CNTN6: variants seen among roughly 807,000 people sequenced by gnomAD.
CNTN6 encodes contactin-6.
In CNTN6, 137 loss-of-function variants were observed where a neutral mutation model predicts 122.8. That is an observed-to-expected ratio of 1.12 (90% confidence interval 0.97 to 1.29). The LOEUF is 1.29. CNTN6 is among the 50% of genes most tolerant of loss of function. CNTN6 has a pLI of 0.00. For synonymous variants in CNTN6, 570 were observed against 426.0 expected (o/e 1.34, Z -4.16); for missense variants, 1,634 against 1,223.4 (o/e 1.34, Z -5.01).
intron 11 of CNTN6, among the ~76,000 whole-genome samples, chr3:1,330,418 G>A (rs2126001034): frequency 6.6e-6 from 1 of 151,856 alleles, no homozygotes; most frequent in African/African-American, 2.4e-5. Context: ...TACCATAATG[G>A]ATACAGTTGA....
intron 20 of CNTN6, among the ~76,000 whole-genome samples, chr3:1,390,188 G>A (rs7427581): frequency 0.18 from 27,187 of 150,222 alleles, 2,581 homozygotes; most frequent in African/African-American, 0.2. Flanking sequence ...AATGTAAAAG[G>A]ACAGAGATTA....
At chr3:1,166,932 C>A (rs2093263633) in intron 2 of CNTN6, among the ~76,000 whole-genome samples, 1 of 151,774 alleles carries the variant, frequency 6.6e-6, no homozygotes, top group African/African-American at 2.4e-5. Flanking sequence ...ATACCTAATG[C>A]TTGTGGGGCT....
intron 7 of CNTN6, among the ~76,000 whole-genome samples, chr3:1,309,858 T>C (rs1559782769): frequency 1.3e-5 from 2 of 152,174 alleles, no homozygotes; most frequent in Non-Finnish European, 2.9e-5. Context: ...CTATTTTATA[T>C]AAACCCTAGA....
In CNTN6 at chr3:1,235,633, A is replaced by G. The variant is rs138448032; in HGVS notation, c.358+7640A>G. On this transcript the variant is annotated intron_variant, in intron 4 of 22. Transcript: ENST00000446702. ...CAGCTCCTGCTGGGAGGGATAGAGC[A>G]GCATGTGGAGACTCACATCATACTT... is the stretch of plus-strand genomic sequence containing the variant. Among the ~76,000 whole-genome samples, 320 of 152,294 alleles carry G rather than the reference A, an allele frequency of 2.1e-3. 1 individual carries two copies. The highest frequency in any genetic ancestry group is 7.0e-3 in the African/African-American group (291 of 41,568).
chr3:1,202,747 G>T (rs1341821748), intron 2 of CNTN6, among the ~76,000 whole-genome samples: 1 of 152,044 alleles, frequency 6.6e-6, no homozygotes, highest in Non-Finnish European at 1.5e-5. Context: ...CTCACACAGG[G>T]AATGAACCGG....
chr3:1,268,035 G>T (rs2094954263), intron 4 of CNTN6, among the ~76,000 whole-genome samples: 1 of 152,138 alleles, frequency 6.6e-6, no homozygotes, highest in Admixed American at 6.5e-5. Context: ...ATCCCAAGAA[G>T]CACAAATTGC....
chr3:1,096,879 TG>T (rs575663770), intron 1 of CNTN6, among the ~76,000 whole-genome samples: 1 of 152,316 alleles, frequency 6.6e-6, no homozygotes, highest in East Asian at 1.9e-4. Flanking sequence ...GGAGGGTTTT[TG>T]CTTCGTTTTT....
rs753433300 is a variant in CNTN6 at position 1,402,384 on chromosome 3, C to T, written c.2884C>T (p.Leu962Phe). Reference protein sequence around the residue: ...ILETNNTSAELLVPFEEDYLI... With the variant: ...ILETNNTSAEFLVPFEEDYLI... Reference sequence around the variant, plus strand: ...GGAAACAAACAATACATCAGCTGAGCTTCTGGTTCCATTTGAAGAAGACTA... The same window carrying T: ...GGAAACAAACAATACATCAGCTGAGTTTCTGGTTCCATTTGAAGAAGACTA... The change falls in exon 22 of 23, where the codon CTT becomes TTT. Residue 962 changes from leucine (L) to phenylalanine (F), a missense_variant. Coordinates refer to ENST00000446702, the MANE Select transcript of CNTN6 (RefSeq NM_001289080.2). The T allele has an allele frequency of 2.5e-6, 4 of 1,612,450 alleles. No homozygotes were observed. Among genetic ancestry groups the T allele is most frequent in the Non-Finnish European group, 2.5e-6 (3 of 1,178,998 alleles).
intron 2 of CNTN6, among the ~76,000 whole-genome samples, chr3:1,190,982 C>G (rs2093693597): frequency 6.6e-6 from 1 of 152,128 alleles, no homozygotes; most frequent in Non-Finnish European, 1.5e-5. Context: ...TCAACCATCT[C>G]AGAGCATGTT....
chr3:1,187,883 C>T (rs992078147), intron 2 of CNTN6, among the ~76,000 whole-genome samples: 5 of 152,016 alleles, frequency 3.3e-5, no homozygotes, highest in Non-Finnish European at 7.4e-5. Context: ...GGTTGGGCAC[C>T]GTATGGTTGG....
chr3:1,385,941 C>G (rs9820933), intron 20 of CNTN6, 144 bp downstream of exon 20: 11 of 671,584 alleles, frequency 1.6e-5, no homozygotes, highest in Non-Finnish European at 2.2e-5. Flanking sequence ...AATATGGATA[C>G]TTGTTGAAAC....
chr3:1,363,116 T>C (rs1707720230), intron 12 of CNTN6, among the ~76,000 whole-genome samples: 2 of 151,978 alleles, frequency 1.3e-5, no homozygotes, highest in Admixed American at 1.3e-4. Context: ...AAATTTCATA[T>C]ATTTAAGGGG....
At chr3:1,237,807 A>G (rs55686124) in intron 4 of CNTN6, among the ~76,000 whole-genome samples, 10,550 of 152,230 alleles carry the variant, frequency 0.069, 791 homozygotes, top group East Asian at 0.33. Flanking sequence ...AGTAAGCTTC[A>G]TAAATGAAGG....
chr3:1,276,873 T>G (rs764221916), intron 4 of CNTN6, among the ~76,000 whole-genome samples: 1 of 152,214 alleles, frequency 6.6e-6, no homozygotes, highest in Non-Finnish European at 1.5e-5. Flanking sequence ...AGCTAGTCAC[T>G]CAAATACCCG....
intron 5 of CNTN6, among the ~76,000 whole-genome samples, chr3:1,290,006 G>A (rs934479993): frequency 1.3e-5 from 2 of 152,148 alleles, no homozygotes; most frequent in Admixed American, 6.5e-5. Flanking sequence ...ATTTCCAAAG[G>A]GTAGCTCCAG....
chr3:1,307,273 C>T (rs1161087877), intron 7 of CNTN6, among the ~76,000 whole-genome samples: 1 of 152,144 alleles, frequency 6.6e-6, no homozygotes, highest in East Asian at 1.9e-4. Flanking sequence ...CAAATAGAGA[C>T]TGGAGAGGGT....
At chr3:1,278,360 T>C in intron 4 of CNTN6, 53 bp from the exon 5 acceptor site, 1 of 1,227,836 alleles carries the variant, frequency 8.1e-7, no homozygotes, top group Non-Finnish European at 1.2e-6. Context: ...TTCTTTAAAA[T>C]ATTTATTCTG....
chr3:1,363,023 A>T (rs1707700706), intron 12 of CNTN6, among the ~76,000 whole-genome samples: 2 of 151,974 alleles, frequency 1.3e-5, no homozygotes, highest in Admixed American at 6.6e-5. Flanking sequence ...ATCCCTATTT[A>T]AAAATCCCCC....
intron 4 of CNTN6, among the ~76,000 whole-genome samples, chr3:1,236,060 G>A (rs950799524): frequency 5.9e-5 from 9 of 151,978 alleles, no homozygotes; most frequent in Admixed American, 2.6e-4. Context: ...GCTGCAGCAA[G>A]CCCCACCCAA....
Sources: gnomAD v4.1 joint callset for allele counts (sites outside exome capture counted in the v4.1 genomes callset) on GRCh38, gnomAD v4.1.1 for gene constraint, MANE v1.5 for transcripts, NCBI Gene and HGNC (gene_info 2026-07-23, HGNC 2026-07-21) for gene names.